Variants in PDE4DIP observed in about 807,000 individuals in gnomAD.
PDE4DIP encodes the protein phosphodiesterase 4D interacting protein.
PDE4DIP carries 59 observed loss-of-function variants against 221.4 expected under a neutral mutation model. The observed-to-expected ratio is 0.27, with a 90% confidence interval of 0.22 to 0.33. The LOEUF (loss-of-function observed/expected upper bound fraction) is 0.33, where lower values mean the gene tolerates loss of function less well. Among genes scored for constraint, PDE4DIP ranks in the 10% least tolerant of loss-of-function variants. PDE4DIP has a pLI of 1.00. For missense variants in PDE4DIP, 1,036 were observed against 2,154.2 expected (o/e 0.48, Z 10.28); for synonymous variants, 404 against 815.9 (o/e 0.50, Z 8.60).
chr1:148,940,911 A>G (rs1553479279), intron 5 of PDE4DIP, among the ~76,000 whole-genome samples: 2 of 152,028 alleles, frequency 1.3e-5, no homozygotes, highest in African/African-American at 4.8e-5. Flanking sequence ...AGATGATTGT[A>G]AACAGTTTTA....
intron 20 of PDE4DIP, among the ~76,000 whole-genome samples, chr1:148,980,680 A>C (rs1314478881): frequency 6.6e-6 from 1 of 151,270 alleles, no homozygotes; most frequent in Non-Finnish European, 1.5e-5. Context: ...GTTTCTTGTA[A>C]TTTATTGTTG....
At chr1:148,954,294 C>T (rs1553499351) in intron 5 of PDE4DIP, among the ~76,000 whole-genome samples, 3 of 151,634 alleles carry the variant, frequency 2.0e-5, no homozygotes, top group Non-Finnish European at 2.9e-5. Context: ...GATTTATAGA[C>T]GTTTCCTCCC....
At chr1:148,919,715 T>C (rs1392236688) in intron 1 of PDE4DIP, among the ~76,000 whole-genome samples, 1 of 151,576 alleles carries the variant, frequency 6.6e-6, no homozygotes, top group Non-Finnish European at 1.5e-5. Flanking sequence ...CACTAATAGT[T>C]ACTTTTCACT....
At chr1:149,020,868 T>A (rs1425426046) in intron 36 of PDE4DIP, 161 bp from the exon 40 acceptor site, 2 of 582,014 alleles carry the variant, frequency 3.4e-6, no homozygotes, top group Non-Finnish European at 3.1e-6. Flanking sequence ...GAAATAAAAG[T>A]GATAGTCTTC....
intron 4 of PDE4DIP, among the ~76,000 whole-genome samples, chr1:148,934,318 TA>T (rs1206744089): frequency 6.6e-6 from 1 of 150,836 alleles, no homozygotes; most frequent in Admixed American, 6.6e-5. Flanking sequence ...GAACCCCAAT[TA>T]AAAAAAACTG....
chr1:148,822,775 CATAATTACATAT>C (rs1669651631), intron 1 of PDE4DIP, among the ~76,000 whole-genome samples: 1 of 115,600 alleles, frequency 8.7e-6, no homozygotes, highest in African/African-American at 3.1e-5. Context: ...TCATTATCAC[CATAATTACATAT>C]ATAATTACAT....
chr1:148,963,807 A>G (rs74354588), intron 9 of PDE4DIP, among the ~76,000 whole-genome samples: 80,766 of 109,434 alleles, frequency 0.74, 30,275 homozygotes, highest in East Asian at 0.97. Context: ...AGGCTGGAGT[A>G]CAGTGGCGCG....
At chr1:148,945,012 AT>A (rs1247220180) in intron 5 of PDE4DIP, among the ~76,000 whole-genome samples, 1 of 149,876 alleles carries the variant, frequency 6.7e-6, no homozygotes, top group African/African-American at 2.4e-5. Context: ...TTCAATAACA[AT>A]TGAGTGCCTA....
intron 5 of PDE4DIP, among the ~76,000 whole-genome samples, chr1:148,948,239 G>A (rs587672036): frequency 6.6e-5 from 10 of 151,600 alleles, no homozygotes; most frequent in Middle Eastern, 3.4e-3. Context: ...CAAACTTTTC[G>A]TTATGTGCCT....
chr1:148,938,743 T>C (rs2049852039), intron 5 of PDE4DIP, among the ~76,000 whole-genome samples: 1 of 151,338 alleles, frequency 6.6e-6, no homozygotes, highest in Non-Finnish European at 1.5e-5. Flanking sequence ...TGGTGATTAC[T>C]ATTTCCGTAC....
chr1:148,976,022 T>C (rs879980068), intron 17 of PDE4DIP, among the ~76,000 whole-genome samples: 1 of 151,600 alleles, frequency 6.6e-6, no homozygotes, highest in Non-Finnish European at 1.5e-5. Context: ...AATACCAGTT[T>C]TAAAAATCCC....
chr1:149,006,135 A>G (rs868972160), intron 27 of PDE4DIP, among the ~76,000 whole-genome samples: 2 of 101,160 alleles, frequency 2.0e-5, no homozygotes, highest in Admixed American at 9.7e-5. Context: ...TCTGTCTCGG[A>G]AAAAAAAAAA....
intron 18 of PDE4DIP, 54 bp from the exon 22 acceptor site, chr1:148,978,224 T>A (rs587653984): frequency 1.4e-6 from 2 of 1,472,812 alleles, no homozygotes; most frequent in South Asian, 2.4e-5. Flanking sequence ...GCTACTCTGC[T>A]GAATAATCCT....
intron 21 of PDE4DIP, chr1:148,983,539 G>A (rs189103985): frequency 3.1e-4 from 48 of 152,594 alleles, no homozygotes; most frequent in African/African-American, 1.2e-3. Flanking sequence ...AGAGCTTGCT[G>A]GTCTAACAAC....
intron 14 of PDE4DIP, among the ~76,000 whole-genome samples, chr1:148,970,433 G>A (rs1339799483): frequency 6.6e-6 from 1 of 152,070 alleles, no homozygotes; most frequent in Non-Finnish European, 1.5e-5. Context: ...ATGCACTGCT[G>A]GTAATAGAAT....
chr1:148,969,717 T>C (rs1243980044), intron 14 of PDE4DIP, among the ~76,000 whole-genome samples: 1 of 148,952 alleles, frequency 6.7e-6, no homozygotes, highest in African/African-American at 2.5e-5. Flanking sequence ...CTTTTTTTTT[T>C]TTTTTTTTGA....
chr1:148,818,072 C>A, intron 1 of PDE4DIP, among the ~76,000 whole-genome samples: 1 of 150,162 alleles, frequency 6.7e-6, no homozygotes, highest in East Asian at 1.9e-4. Flanking sequence ...CCGCCTCCTC[C>A]CAAAGTGCTG....
At chr1:149,032,574 T>C (rs587667475) in exon 44 of PDE4DIP, 87 of 248,352 alleles carry the variant, frequency 3.5e-4, no homozygotes, top group African/African-American at 1.8e-3. Flanking sequence ...GTTCTTTGAG[T>C]TCACATCATG....
In PDE4DIP at chr1:149,016,489, G is replaced by A. The variant is rs200823792; in HGVS notation, c.5457G>A (p.Gly1819=). 5.3e-6 allele frequency: 4 copies of A among 758,454 alleles called. No individual in the cohort carries two copies. In the African/African-American group the frequency reaches 7.3e-5, roughly 14 times the overall value. 47.0% of individuals were successfully genotyped at this position (758,454 alleles called of 1,614,324 possible). ...GGGATGTGATGAGGCCTCAGAAAGGGAGTGTATCTGGGGACCTATCCTCAG... is the reference window on the plus strand; with the variant it reads ...GGGATGTGATGAGGCCTCAGAAAGGAAGTGTATCTGGGGACCTATCCTCAG... The change falls in exon 33 of 44, where the codon GGG becomes GGA. Residue 1819 remains glycine, a synonymous_variant. Transcript: ENST00000369354.
Sources: allele counts gnomAD v4.1 joint callset (sites outside exome capture counted in the v4.1 genomes callset), GRCh38; gene constraint gnomAD v4.1.1; transcripts MANE v1.5; gene names NCBI Gene and HGNC (gene_info 2026-07-23, HGNC 2026-07-21).